Variants in CAMK1D observed in about 807,000 individuals in gnomAD.
CAMK1D encodes calcium/calmodulin-dependent protein kinase type 1D.
Under a neutral mutation model 47.7 loss-of-function variants are expected in CAMK1D, and 9 were observed. That is an observed-to-expected ratio of 0.19 (90% CI 0.11 to 0.33). The LOEUF (loss-of-function observed/expected upper bound fraction) is 0.33. Ranked by LOEUF, CAMK1D falls within the 10% of genes least tolerant of loss-of-function variation. The probability of loss-of-function intolerance (pLI) is 1.00; values close to 1 mark genes in which losing one functional copy is unlikely to be tolerated. For synonymous variants in CAMK1D, 184 were observed against 184.9 expected, an observed-to-expected ratio of 0.99 and a Z score of 0.04; for missense variants, 291 against 488.7, an observed-to-expected ratio of 0.60 and a Z score of 3.81.
chr10:12,818,830 A>G (rs558446910), intron 8 of CAMK1D, among the ~76,000 whole-genome samples: 2 of 152,334 alleles, frequency 1.3e-5, no homozygotes, highest in African/African-American at 2.4e-5. Context: ...GGCTTGGGGG[A>G]GAAGGAAAGA....
intron 3 of CAMK1D, among the ~76,000 whole-genome samples, chr10:12,741,007 G>C (rs903839635): frequency 1.3e-5 from 2 of 152,194 alleles, no homozygotes; most frequent in African/African-American, 4.8e-5. Flanking sequence ...CCTAAAGGAA[G>C]GGGATTTTCC....
At chr10:12,647,619 G>A (rs1451563797) in intron 2 of CAMK1D, among the ~76,000 whole-genome samples, 3 of 152,186 alleles carry the variant, frequency 2.0e-5, no homozygotes, top group Non-Finnish European at 4.4e-5. Flanking sequence ...GAATTGTTCT[G>A]TATTCCAGAA....
intron 1 of CAMK1D, among the ~76,000 whole-genome samples, chr10:12,504,939 A>G (rs532386426): frequency 6.6e-6 from 1 of 152,306 alleles, no homozygotes; most frequent in African/African-American, 2.4e-5. Context: ...CAGGGTCTGA[A>G]GTGGTGCTGC....
intron 2 of CAMK1D, among the ~76,000 whole-genome samples, chr10:12,617,577 T>C (rs1477786588): frequency 6.6e-6 from 1 of 152,216 alleles, no homozygotes. Context: ...CCGTTTCTTC[T>C]CTTTGAGGAG....
intron 1 of CAMK1D, among the ~76,000 whole-genome samples, chr10:12,383,118 G>C (rs965440425): frequency 3.9e-5 from 6 of 152,112 alleles, no homozygotes; most frequent in African/African-American, 1.4e-4. Flanking sequence ...TTTGTTTAGA[G>C]CATCAAACCA....
intron 2 of CAMK1D, among the ~76,000 whole-genome samples, chr10:12,572,804 ATT>A (rs1161247468): frequency 2.0e-5 from 3 of 152,056 alleles, no homozygotes; most frequent in Admixed American, 2.0e-4. Context: ...TAATTTTAAA[ATT>A]TTTTTGTAGA....
intron 2 of CAMK1D, among the ~76,000 whole-genome samples, chr10:12,602,898 A>G (rs191130897): frequency 5.7e-5 from 8 of 140,304 alleles, no homozygotes; most frequent in African/African-American, 1.8e-4. Context: ...ACTGCTTGTT[A>G]TTATTATTAT....
At chr10:12,796,446 G>C (rs971628552) in intron 6 of CAMK1D, among the ~76,000 whole-genome samples, 1 of 152,180 alleles carries the variant, frequency 6.6e-6, no homozygotes, top group African/African-American at 2.4e-5. Flanking sequence ...TGGAAGAATG[G>C]AACAGGGAAG....
intron 1 of CAMK1D, among the ~76,000 whole-genome samples, chr10:12,421,085 C>T (rs901013361): frequency 6.6e-6 from 1 of 152,156 alleles, no homozygotes; most frequent in African/African-American, 2.4e-5. Context: ...ACGGGACAGG[C>T]TGAATGGCGT....
At chr10:12,463,182 C>T (rs900992047) in intron 1 of CAMK1D, among the ~76,000 whole-genome samples, 1 of 148,192 alleles carries the variant, frequency 6.7e-6, no homozygotes, top group Non-Finnish European at 1.5e-5. Flanking sequence ...GTCGTTCAGG[C>T]AGGAGAGAGC....
At chr10:12,711,986 G>A (rs921322822) in intron 3 of CAMK1D, among the ~76,000 whole-genome samples, 6 of 152,202 alleles carry the variant, frequency 3.9e-5, no homozygotes, top group African/African-American at 1.2e-4. Context: ...AACAGATCAG[G>A]TTTCTCCTAA....
intron 5 of CAMK1D, among the ~76,000 whole-genome samples, chr10:12,788,709 T>C (rs1196389612): frequency 6.6e-6 from 1 of 152,198 alleles, no homozygotes; most frequent in African/African-American, 2.4e-5. Flanking sequence ...GGCTCCCTTT[T>C]GTCAGTTCCC....
At chr10:12,637,415 C>A (rs1047578426) in intron 2 of CAMK1D, among the ~76,000 whole-genome samples, 1 of 152,188 alleles carries the variant, frequency 6.6e-6, no homozygotes, top group Non-Finnish European at 1.5e-5. Context: ...TTCAGTGTTG[C>A]GATTACCTTC....
chr10:12,431,030 G>A (rs1287777073), intron 1 of CAMK1D, among the ~76,000 whole-genome samples: 2 of 152,276 alleles, frequency 1.3e-5, no homozygotes, highest in African/African-American at 2.4e-5. Context: ...GGTTATAGGC[G>A]TGAACCATAT....
At chr10:12,415,401 G>C (rs1839809537) in intron 1 of CAMK1D, among the ~76,000 whole-genome samples, 1 of 150,244 alleles carries the variant, frequency 6.7e-6, no homozygotes, top group East Asian at 2.0e-4. Flanking sequence ...CGATTCTCCT[G>C]CCTCAGCCTC....
At chr10:12,776,582 T>C (rs1385060100) in intron 5 of CAMK1D, among the ~76,000 whole-genome samples, 1 of 152,238 alleles carries the variant, frequency 6.6e-6, no homozygotes, top group Non-Finnish European at 1.5e-5. Context: ...AATCAGTACA[T>C]GACCTTTTCA....
At chr10:12,387,020 G>T (rs1350780522) in intron 1 of CAMK1D, among the ~76,000 whole-genome samples, 1 of 151,876 alleles carries the variant, frequency 6.6e-6, no homozygotes, top group Non-Finnish European at 1.5e-5. Context: ...TGGCCAACAT[G>T]GTGAAACCCC....
chr10:12,768,796 A>G (rs1201319530), intron 4 of CAMK1D, among the ~76,000 whole-genome samples: 1 of 152,116 alleles, frequency 6.6e-6, no homozygotes, highest in East Asian at 1.9e-4. Flanking sequence ...CTCAGCCTCC[A>G]TAAGACCCAC....
Position 12,575,254 on chromosome 10 carries a change from G to A in CAMK1D, c.224+21898G>A, listed in dbSNP as rs114337642. 3.1e-3 allele frequency among the ~76,000 whole-genome samples: 467 copies of A among 151,998 alleles called. 4 individuals are homozygous for A. Among genetic ancestry groups the A allele is most frequent in the African/African-American group, 0.011 (444 of 41,454 alleles). ...ATTACAGGGTCCTGCCACCGGGCCC[G>A]GCTAATTTTTATATTTTTAGTAGAG... On this transcript the variant is annotated intron_variant, in intron 2 of 10. Coordinates refer to ENST00000619168, the MANE Select transcript of CAMK1D (RefSeq NM_153498.4).
Sources: gnomAD v4.1 joint callset for allele counts (sites outside exome capture counted in the v4.1 genomes callset) on GRCh38, gnomAD v4.1.1 for gene constraint, MANE v1.5 for transcripts, NCBI Gene and HGNC (gene_info 2026-07-23, HGNC 2026-07-21) for gene names.